The following GFY variants were observed in gnomAD, a reference collection of about 807,000 sequenced individuals.
GFY encodes the protein Golgi-associated olfactory signaling regulator.
Under a neutral mutation model 29.1 loss-of-function variants are expected in GFY, and 28 were observed. The observed-to-expected ratio is 0.96, with a 90% CI of 0.71 to 1.32. The LOEUF is 1.32. GFY is among the 40% of genes most tolerant of loss of function. The pLI is 0.00. For missense variants in GFY, 656 were observed against 661.9 expected, an observed-to-expected ratio of 0.99 and a Z score of 0.10; for synonymous variants, 277 against 274.5, an observed-to-expected ratio of 1.01 and a Z score of -0.09.
At chr19:49,427,848 G>T (rs1047833282) in intron 2 of GFY, 98 bp from the exon 3 acceptor site, 5 of 1,408,684 alleles carry the variant, frequency 3.5e-6, no homozygotes, top group Non-Finnish European at 3.8e-6. Context: ...TTGGGAACAG[G>T]AATTCCTGGA....
chr19:49,428,763 G>A lies in GFY; in HGVS notation c.1502G>A (p.Arg501His). 6.6e-7 allele frequency: 1 copy of A among 1,509,134 alleles called. No homozygotes were observed. Among genetic ancestry groups the A allele is most frequent in the Non-Finnish European group, 8.8e-7 (1 of 1,133,882 alleles). 93.5% of individuals were successfully genotyped at this position (1,509,134 alleles called of 1,614,324 possible). Residue 501 changes from arginine to histidine, a missense_variant, in exon 4 of 4, where the codon CGC becomes CAC. Arg to His is a conservative substitution (Grantham distance 29, BLOSUM62 0). Transcript: ENST00000610896. ...CTGCCCCCGCCGCCCCGCGGGGGTC[G>A]CCCGCAGCGTCTGGAGGCCCTGTCC... ...PKLPPPPRGG[R>H]PQRLEALSPA...
Position 49,427,588 on chromosome 19 carries a change from C to T in GFY, c.1158C>T (p.Ile386=), listed in dbSNP as rs926142280. The T allele has an allele frequency of 1.4e-6, 2 of 1,478,838 alleles. No homozygotes were observed. The highest frequency in any genetic ancestry group is 2.5e-5 in the East Asian group (1 of 40,670). The allele number at this position is 1,478,838 out of a possible 1,614,324, so 91.6% of individuals were successfully genotyped here. ...GAGGTGAGGGAGTCAACACCATCATCGTGGTGGAGCGAGTGAAGGAGACCG... is the reference window on the plus strand; with the variant it reads ...GAGGTGAGGGAGTCAACACCATCATTGTGGTGGAGCGAGTGAAGGAGACCG... The part of the protein sequence containing the change: ...HSRGEGVNTI[I]VVERVKETGV... The change falls in exon 2 of 4, where the codon ATC becomes ATT. Residue 386 remains isoleucine (I), a synonymous_variant. Coordinates refer to ENST00000610896, the MANE Select transcript of GFY (RefSeq NM_001195256.2).
At chr19:49,425,658 T>A (rs1975064703) in intron 1 of GFY, among the ~76,000 whole-genome samples, 169 bp downstream of exon 1, 1 of 152,140 alleles carries the variant, frequency 6.6e-6, no homozygotes, top group Non-Finnish European at 1.5e-5. Context: ...AAAGCTCTCT[T>A]CTTCAAGTCC....
In GFY at chr19:49,427,326, TA is replaced by T; in HGVS notation, c.899del (p.Asn300MetfsTer5). 1 of 1,536,222 alleles carries T rather than the reference TA, an allele frequency of 6.5e-7. No homozygotes were observed. The highest frequency in any genetic ancestry group is 1.4e-5 in the African/African-American group (1 of 73,166). On this transcript the variant is annotated frameshift_variant, in exon 2 of 4. Coordinates refer to ENST00000610896, the MANE Select transcript of GFY (RefSeq NM_001195256.2). LOFTEE classifies it high-confidence loss of function. The stretch of plus-strand genomic sequence containing the variant: ...CCCTTCAAGGATGACGCCACTGCTC[TA>T]AATGAGCTGTCCCTGAATCCCAAAC... ...PVPFKDDATA[L>X]NELSLNPKPG... is the part of the protein sequence containing the mutation.
intron 3 of GFY, 56 bp downstream of exon 3, chr19:49,428,175 C>T (rs1429850409): frequency 6.7e-7 from 1 of 1,495,108 alleles, no homozygotes; most frequent in Admixed American, 2.1e-5. Flanking sequence ...TCTCTCCCGG[C>T]ACTACAGGGC....
chr19:49,428,212 AC>A (rs1259855913), intron 3 of GFY, 93 bp downstream of exon 3: 1 of 1,413,048 alleles, frequency 7.1e-7, no homozygotes, highest in Non-Finnish European at 9.4e-7. Flanking sequence ...CAGGTCCCCC[AC>A]CCAAGGTCAA....
In GFY at chr19:49,428,869, C is replaced by A; in HGVS notation, c.*51C>A. On this transcript the variant is annotated 3_prime_UTR_variant, in exon 4 of 4. Coordinates refer to ENST00000610896, the MANE Select transcript of GFY (RefSeq NM_001195256.2). ...CACATCCCCACAGTGAAGGAAAACC[C>A]TGCGCTTCTGGTATGCTTAGCTAGA... 8.0e-7 allele frequency: 1 copy of A among 1,255,686 alleles called. No homozygotes were observed. Among genetic ancestry groups the A allele is most frequent in the Non-Finnish European group, 1.1e-6 (1 of 943,964 alleles). 77.8% of individuals were successfully genotyped at this position (1,255,686 alleles called of 1,614,324 possible).
chr19:49,428,280 C>T (rs2122284442), intron 3 of GFY, among the ~76,000 whole-genome samples, 161 bp downstream of exon 3: 1 of 152,362 alleles, frequency 6.6e-6, no homozygotes, highest in South Asian at 2.1e-4. Context: ...TGCAATTTCA[C>T]CCAAGAGTCC....
Position 49,426,627 on chromosome 19 carries a change from A to G in GFY, c.197A>G (p.Tyr66Cys). 1 of 1,535,424 alleles carries G rather than the reference A, an allele frequency of 6.5e-7. No individual in the cohort carries two copies. ...RLNPEFPGTP[Y>C]PEPSKLPHTV... The stretch of plus-strand genomic sequence containing the variant: ...AACCCAGAATTTCCTGGGACTCCTT[A>G]CCCTGAGCCTTCCAAGCTACCTCAT... Residue 66 changes from tyrosine (Y) to cysteine (C), a missense_variant, in exon 2 of 4, where the codon TAC becomes TGC. Tyr to Cys is a radical substitution (Grantham distance 194). Transcript: ENST00000610896.
At position 49,426,843 on chromosome 19, in the gene GFY, C is replaced by T. The variant is rs1319283957; in HGVS notation, c.413C>T (p.Thr138Ile). ...CACCCAGAGTCTTCTGAGACCCCCA[C>T]ACCTGGCCCAACTGAAATGCCACAC... ...MAHPESSETP[T>I]PGPTEMPHPG... is the part of the protein sequence containing the mutation. The change falls in exon 2 of 4, where the codon ACA (threonine) becomes ATA (isoleucine). Residue 138 changes from threonine to isoleucine, a missense_variant. Transcript: ENST00000610896. 3 of 1,535,702 alleles carry T rather than the reference C, an allele frequency of 2.0e-6. No homozygotes were observed. Among genetic ancestry groups the T allele is most frequent in the African/African-American group, 1.4e-5 (1 of 72,868 alleles).
Position 49,427,025 on chromosome 19 carries a change from G to C in GFY, c.595G>C (p.Glu199Gln), listed in dbSNP as rs114337577. The C allele has an allele frequency of 5.4e-4, 828 of 1,535,140 alleles. 5 individuals carry two copies. The African/African-American group carries it at 0.011, about 20-fold the overall frequency. ...ATEVSQAELP[E>Q]TSNTNPTKTP... ...TGAAGTCTCACAGGCAGAACTCCCCGAGACCTCAAACACTAACCCTACCAA... is the reference window on the plus strand; with the variant it reads ...TGAAGTCTCACAGGCAGAACTCCCCCAGACCTCAAACACTAACCCTACCAA... Residue 199 changes from glutamate (E) to glutamine (Q), a missense_variant, in exon 2 of 4, where the codon GAG becomes CAG. Glu to Gln is a conservative substitution (Grantham distance 29). Coordinates refer to ENST00000610896, the MANE Select transcript of GFY (RefSeq NM_001195256.2).
chr19:49,424,572 C>A (rs1214020129), upstream of GFY, among the ~76,000 whole-genome samples: 2 of 147,694 alleles, frequency 1.4e-5, no homozygotes, highest in Non-Finnish European at 3.0e-5. Context: ...GGGCCTCAGC[C>A]GGGTGCTGTG....
At position 49,426,438 on chromosome 19, in the gene GFY, C is replaced by A; in HGVS notation, c.8C>A (p.Ser3Ter). 1.3e-6 allele frequency: 2 copies of A among 1,533,782 alleles called. No homozygotes were observed. Among genetic ancestry groups the A allele is most frequent in the South Asian group, 1.2e-5 (1 of 83,906 alleles). ...TAGGTATCTGCCAGAGCTATGAAAT[C>A]ATTCAGCCGGATCCTCTTCCTCGTC... MK[S>*]FSRILFLVFL... The change falls in exon 2 of 4, where the codon TCA (serine) becomes TAA (stop). Residue 3 changes from serine to a stop codon, truncating the protein, a stop_gained. Coordinates refer to ENST00000610896, the MANE Select transcript of GFY (RefSeq NM_001195256.2). LOFTEE classifies it high-confidence loss of function.
chr19:49,426,792 C>T lies in GFY; in HGVS notation c.362C>T (p.Pro121Leu). 1 of 1,535,640 alleles carries T rather than the reference C, an allele frequency of 6.5e-7. No individual in the cohort carries two copies. Among genetic ancestry groups the T allele is most frequent in the Non-Finnish European group, 8.7e-7 (1 of 1,146,774 alleles). ...TCAATATCAGAATCCCTGGACATGC[C>T]CAAAACTAACCTCTCCAAAATGGCA... is the stretch of plus-strand genomic sequence containing the variant. ...TTSISESLDM[P>L]KTNLSKMAHP... is the part of the protein sequence containing the mutation. Residue 121 changes from proline to leucine, a missense_variant, in exon 2 of 4, where the codon CCC (proline) becomes CTC (leucine). Pro to Leu is a moderately conservative substitution (Grantham distance 98, BLOSUM62 -3). Coordinates refer to ENST00000610896, the MANE Select transcript of GFY (RefSeq NM_001195256.2).
upstream of GFY, among the ~76,000 whole-genome samples, chr19:49,425,010 G>C (rs1415250627): frequency 6.6e-6 from 1 of 151,924 alleles, no homozygotes; most frequent in East Asian, 1.9e-4. Flanking sequence ...GGATGGGACA[G>C]GGACCCAGAT....
chr19:49,427,045 T>C lies in GFY; in HGVS notation c.615T>C (p.Pro205=). 6.5e-7 allele frequency: 1 copy of C among 1,534,498 alleles called. No individual in the cohort carries two copies. Among genetic ancestry groups the C allele is most frequent in the Non-Finnish European group, 8.7e-7 (1 of 1,146,462 alleles). The part of the protein sequence containing the change: ...AELPETSNTN[P]TKTPDPKSPE... ...TCCCCGAGACCTCAAACACTAACCC[T>C]ACCAAGACCCCTGACCCCAAATCCC... The change falls in exon 2 of 4, where the codon CCT becomes CCC. Residue 205 remains proline, a synonymous_variant. Transcript: ENST00000610896.
intron 3 of GFY, 90 bp from the exon 4 acceptor site, chr19:49,428,529 G>A (rs563908097): frequency 5.1e-6 from 5 of 986,996 alleles, no homozygotes; most frequent in African/African-American, 3.3e-5. Context: ...CCTCCTGATC[G>A]GTCGGCCGCA....
chr19:49,428,254 C>A, intron 3 of GFY, 135 bp downstream of exon 3: 1 of 1,151,436 alleles, frequency 8.7e-7, no homozygotes, highest in Non-Finnish European at 1.2e-6. Context: ...TGGCAACGTC[C>A]AGCCCCCTAA....
chr19:49,428,046 G>C lies in GFY; in HGVS notation c.1284G>C (p.Trp428Cys). 1 of 1,535,844 alleles carries C rather than the reference G, an allele frequency of 6.5e-7. No individual in the cohort carries two copies. The highest frequency in any genetic ancestry group is 8.7e-7 in the Non-Finnish European group (1 of 1,146,676). ...ALLIGIFVLL[W>C]CLYRRAARQR... ...TGATCGGCATCTTTGTGCTGCTGTG[G>C]TGTCTTTACCGCCGGGCAGCTAGAC... Residue 428 changes from tryptophan to cysteine, a missense_variant, in exon 3 of 4, where the codon TGG (tryptophan) becomes TGC (cysteine). By Grantham distance (215) the Trp-to-Cys change is radical. Coordinates refer to ENST00000610896, the MANE Select transcript of GFY (RefSeq NM_001195256.2).
Sources: gnomAD v4.1 joint callset for allele counts (sites outside exome capture counted in the v4.1 genomes callset) on GRCh38, gnomAD v4.1.1 for gene constraint, MANE v1.5 for transcripts, NCBI Gene and HGNC (gene_info 2026-07-23, HGNC 2026-07-21) for gene names.